AKAP13: variants seen among roughly 807,000 people sequenced by gnomAD.
AKAP13 encodes A-kinase anchor protein 13.
Under a neutral mutation model 264.5 loss-of-function variants are expected in AKAP13, and 80 were observed. The observed-to-expected ratio is 0.30, with a 90% CI of 0.25 to 0.36. The LOEUF is 0.36. Ranked by LOEUF, AKAP13 falls within the 10% of genes least tolerant of loss-of-function variation. AKAP13 has a pLI of 1.00. For synonymous variants in AKAP13, 1,380 were observed against 1,250.2 expected (o/e 1.10, Z -2.19); for missense variants, 3,712 against 3,435.2 (o/e 1.08, Z -2.01).
chr15:85,700,929 T>G (rs1238823687), intron 17 of AKAP13, among the ~76,000 whole-genome samples: 1 of 152,214 alleles, frequency 6.6e-6, no homozygotes, highest in Non-Finnish European at 1.5e-5. Context: ...GGTAGGTAAG[T>G]GAATTGCGAA....
At chr15:85,405,064 T>C (rs1427964625) in intron 1 of AKAP13, among the ~76,000 whole-genome samples, 2 of 152,196 alleles carry the variant, frequency 1.3e-5, no homozygotes, top group Non-Finnish European at 2.9e-5. Context: ...GTTTTGTGTT[T>C]TAAAGATCCA....
intron 8 of AKAP13, among the ~76,000 whole-genome samples, chr15:85,589,280 G>A (rs2151326080): frequency 6.6e-6 from 1 of 152,174 alleles, no homozygotes; most frequent in Admixed American, 6.5e-5. Context: ...TGGGACATAT[G>A]GTCTCTTAAA....
intron 1 of AKAP13, chr15:85,415,221 C>A: frequency 5.8e-6 from 9 of 1,543,424 alleles, no homozygotes; most frequent in Non-Finnish European, 7.9e-6. Context: ...CTCGCCCGCA[C>A]CCCTCATGGC....
intron 19 of AKAP13, among the ~76,000 whole-genome samples, chr15:85,713,920 T>C (rs1237003353): frequency 6.6e-6 from 1 of 152,174 alleles, no homozygotes; most frequent in Non-Finnish European, 1.5e-5. Flanking sequence ...AGATCTCCAG[T>C]TTCCTCTTTA....
rs1215147143 is a variant in AKAP13, at chr15:85,504,527, AAAAAAAAAG to A, written c.34-16894_34-16886del. On this transcript the variant is annotated intron_variant, in intron 2 of 36. Transcript: ENST00000394518. ...ACAAAAAAAAAAAAAAAAAAAAAAA[AAAAAAAAAG>A]AAAAAATTAGCCAGGCATGGTGGCG... Among the ~76,000 whole-genome samples, 6 of 119,702 alleles carry A rather than the reference AAAAAAAAAG, an allele frequency of 5.0e-5. No individual in the cohort carries two copies. The East Asian group carries it at 9.4e-4, about 19-fold the overall frequency. The allele number at this position is 119,702 out of a possible 152,430, so 78.5% of individuals were successfully genotyped here. A position where few individuals can be genotyped will look rare whatever the true frequency, so the allele number is the denominator to read the frequency against.
At chr15:85,393,288 A>C (rs1408027142) in intron 1 of AKAP13, among the ~76,000 whole-genome samples, 1 of 152,222 alleles carries the variant, frequency 6.6e-6, no homozygotes, top group East Asian at 1.9e-4. Context: ...GAGACTTTGC[A>C]GTTTGGGAGT....
chr15:85,487,816 G>T (rs1267214748), intron 2 of AKAP13, among the ~76,000 whole-genome samples: 1 of 150,746 alleles, frequency 6.6e-6, no homozygotes, highest in Non-Finnish European at 1.5e-5. Flanking sequence ...ACAGCATCGT[G>T]GAACTCCTGG....
chr15:85,589,574 G>A lies in AKAP13; in HGVS notation c.4161+3751G>A, dbSNP rs1169675380. Among the ~76,000 whole-genome samples, 12 of 149,944 alleles carry A rather than the reference G, an allele frequency of 8.0e-5. No individual in the cohort carries two copies. In the South Asian group the frequency reaches 2.1e-3, roughly 27 times the overall value. On this transcript the variant is annotated intron_variant, in intron 8 of 36. Coordinates refer to ENST00000394518, the MANE Select transcript of AKAP13 (RefSeq NM_007200.5). ...AGTTCGTGACCAGCCTGGCTAACAT[G>A]GGGAAACCTTGTCTCCACTAAAAAA... is the stretch of plus-strand genomic sequence containing the variant.
At chr15:85,740,407 C>T in intron 34 of AKAP13, 135 bp downstream of exon 34, 2 of 942,104 alleles carry the variant, frequency 2.1e-6, no homozygotes, top group Non-Finnish European at 3.2e-6. Context: ...GGAAGACTGG[C>T]TCTCGTGGTG....
chr15:85,426,789 A>C (rs1401378379), intron 1 of AKAP13, among the ~76,000 whole-genome samples: 1 of 152,156 alleles, frequency 6.6e-6, no homozygotes, highest in East Asian at 1.9e-4. Flanking sequence ...AGTGCAGTGC[A>C]ATGTATTTTC....
intron 17 of AKAP13, among the ~76,000 whole-genome samples, chr15:85,697,197 A>G (rs986439637): frequency 6.6e-6 from 1 of 152,214 alleles, no homozygotes; most frequent in African/African-American, 2.4e-5. Context: ...AGCTCATGAT[A>G]AAAGATACAT....
At position 85,529,120 on chromosome 15, in the gene AKAP13, G is replaced by A. The variant is rs377588865; in HGVS notation, c.182-4464G>A. The stretch of plus-strand genomic sequence containing the variant: ...CCCATGTCTTTGCAGTGTAATTGTA[G>A]ACATTGTTAATAACCCTGCAGTTGG... On this transcript the variant is annotated intron_variant, in intron 3 of 36. Transcript: ENST00000394518. Among the ~76,000 whole-genome samples, 87 of 152,282 alleles carry A rather than the reference G, an allele frequency of 5.7e-4. 2 individuals are homozygous for A. The South Asian group carries it at 0.016, about 28-fold the overall frequency.
chr15:85,478,508 G>A (rs2075250183), intron 1 of AKAP13, among the ~76,000 whole-genome samples: 1 of 151,964 alleles, frequency 6.6e-6, no homozygotes, highest in South Asian at 2.1e-4. Context: ...CATGTGTTTG[G>A]CCCAAACTCA....
chr15:85,718,305 G>T lies in AKAP13; in HGVS notation c.6001+146G>T. On this transcript the variant is annotated intron_variant, in intron 22 of 36. Coordinates refer to ENST00000394518, the MANE Select transcript of AKAP13 (RefSeq NM_007200.5). This position sits in a 1 kb window ranked among gnomAD's most constrained non-coding sequence, Gnocchi z 4.9. ...TTTAAAAACTTTAAGGTACAGAGACGTGGTCCTGTTGGTATCCTATCTCCT... is the reference window on the plus strand; with the variant it reads ...TTTAAAAACTTTAAGGTACAGAGACTTGGTCCTGTTGGTATCCTATCTCCT... The T allele has an allele frequency of 1.1e-6, 1 of 949,854 alleles. No individual in the cohort carries two copies. The allele number at this position is 949,854 out of a possible 1,614,324, so 58.8% of individuals were successfully genotyped here. A position where few individuals can be genotyped will look rare whatever the true frequency, so the allele number is the denominator to read the frequency against.
intron 8 of AKAP13, among the ~76,000 whole-genome samples, chr15:85,632,391 A>T (rs1476460706): frequency 2.0e-5 from 3 of 152,178 alleles, no homozygotes; most frequent in Non-Finnish European, 4.4e-5. Flanking sequence ...TGACTGAGAC[A>T]TTATCTTTAT....
chr15:85,521,648 A>AATAAACATAT lies in AKAP13; in HGVS notation c.181+73_181+74insATAAACATAT, dbSNP rs2076827342. 16 of 1,510,464 alleles carry AATAAACATAT rather than the reference A, an allele frequency of 1.1e-5. No individual in the cohort carries two copies. In the East Asian group the frequency reaches 2.0e-4, roughly 19 times the overall value. The allele number at this position is 1,510,464 out of a possible 1,614,324, so 93.6% of individuals were successfully genotyped here. On this transcript the variant is annotated intron_variant, in intron 3 of 36. Coordinates refer to ENST00000394518, the MANE Select transcript of AKAP13 (RefSeq NM_007200.5). ...CCTTTTATTCGATGTTTATGAGTAT[A>AATAAACATAT]GAGTGACAGGAAGAGTGAAGTGTAG...
chr15:85,520,658 A>G (rs2076789171), intron 2 of AKAP13: 1 of 518,942 alleles, frequency 1.9e-6, no homozygotes, highest in Admixed American at 1.9e-5. Context: ...TCAGATGGTC[A>G]GGAAATACAA....
At chr15:85,508,752 A>C (rs2151113891) in intron 2 of AKAP13, among the ~76,000 whole-genome samples, 1 of 152,300 alleles carries the variant, frequency 6.6e-6, no homozygotes, top group South Asian at 2.1e-4. Context: ...CCTTCCATCC[A>C]GTGTTCATTC....
At chr15:85,689,792 T>C (rs942583928) in intron 16 of AKAP13, 1 of 152,286 alleles carries the variant, frequency 6.6e-6, no homozygotes, top group Non-Finnish European at 1.5e-5. Flanking sequence ...GAGTGAGGTC[T>C]CGTTTCATTT....
Sources: allele counts gnomAD v4.1 joint callset (sites outside exome capture counted in the v4.1 genomes callset), GRCh38; gene constraint gnomAD v4.1.1; non-coding constraint Gnocchi (gnomAD v3.1); transcripts MANE v1.5; gene names NCBI Gene and HGNC (gene_info 2026-07-23, HGNC 2026-07-21).